CUX2: variants seen among roughly 807,000 people sequenced by gnomAD.
CUX2 encodes cut like homeobox 2.
CUX2 carries 40 observed loss-of-function variants against 144.8 expected under a neutral mutation model. That is an observed-to-expected ratio of 0.28 (90% CI 0.21 to 0.36). CUX2 has a LOEUF of 0.36. Among genes scored for constraint, CUX2 ranks in the 10% least tolerant of loss-of-function variants. CUX2 has a pLI of 1.00. For synonymous variants in CUX2, 827 were observed against 875.6 expected, an observed-to-expected ratio of 0.94 and a Z score of 0.98; for missense variants, 1,615 against 1,994.0, an observed-to-expected ratio of 0.81 and a Z score of 3.62.
intron 1 of CUX2, among the ~76,000 whole-genome samples, chr12:111,191,532 T>C (rs1263822729): frequency 6.6e-6 from 1 of 152,088 alleles, no homozygotes. Flanking sequence ...GGTTTCACCA[T>C]GTTGGCCAGG....
chr12:111,140,464 A>G (rs1566248784), intron 1 of CUX2, among the ~76,000 whole-genome samples: 1 of 152,200 alleles, frequency 6.6e-6, no homozygotes. Context: ...GAATATTAGT[A>G]CAGAAGATAA....
intron 9 of CUX2, among the ~76,000 whole-genome samples, chr12:111,299,512 T>C (rs1886179554): frequency 6.6e-6 from 1 of 152,076 alleles, no homozygotes; most frequent in South Asian, 2.1e-4. Flanking sequence ...CTGGAAGTGC[T>C]GAGACTCTAT....
rs541780499 is a variant in CUX2 at position 111,287,656 on chromosome 12, C to T, written c.302-3762C>T. 3.9e-5 allele frequency among the ~76,000 whole-genome samples: 6 copies of T among 152,336 alleles called. No individual in the cohort carries two copies. The highest frequency in any genetic ancestry group is 1.9e-4 in the East Asian group (1 of 5,180). ...GGAGACATAATGGCATACCCTGCTG[C>T]GCAGGCCCTGCCTAATGACGGGGCG... On this transcript the variant is annotated intron_variant, in intron 4 of 21. Transcript: ENST00000261726. This position sits in a 1 kb window ranked among gnomAD's most constrained non-coding sequence, Gnocchi z 4.2.
At chr12:111,326,473 T>C (rs1887825580) in intron 18 of CUX2, among the ~76,000 whole-genome samples, 1 of 151,554 alleles carries the variant, frequency 6.6e-6, no homozygotes, top group South Asian at 2.1e-4. Context: ...GGTTTTGTTT[T>C]ATAGTGTTGT....
chr12:111,284,030 A>G (rs1885255614), intron 4 of CUX2, among the ~76,000 whole-genome samples: 1 of 151,926 alleles, frequency 6.6e-6, no homozygotes. Context: ...TCAGACCAGC[A>G]CCCTGCCTCC....
At chr12:111,066,316 G>A (rs1001018584) in intron 1 of CUX2, among the ~76,000 whole-genome samples, 1 of 152,218 alleles carries the variant, frequency 6.6e-6, no homozygotes, top group Non-Finnish European at 1.5e-5. Context: ...GTGTTTTATA[G>A]TGGGAGCATT....
At chr12:111,256,376 GC>G (rs1883818280) in intron 3 of CUX2, among the ~76,000 whole-genome samples, 1 of 152,092 alleles carries the variant, frequency 6.6e-6, no homozygotes, top group African/African-American at 2.4e-5. Context: ...TCTCTGGGTT[GC>G]CTTTCCATTG....
chr12:111,068,773 C>T lies in CUX2; in HGVS notation c.63+34533C>T, dbSNP rs1210611772. On this transcript the variant is annotated intron_variant, in intron 1 of 21. Coordinates refer to ENST00000261726, the MANE Select transcript of CUX2 (RefSeq NM_015267.4). The surrounding 1 kb of genome is among the most constrained non-coding windows in gnomAD (Gnocchi z 4.9). ...CGGGGTGCCGGTAATGCCCCCATGG[C>T]CCTCCTGTTGGACAGGAGGGGAAAA... is the stretch of plus-strand genomic sequence containing the variant. Among the ~76,000 whole-genome samples the T allele has an allele frequency of 6.6e-6, 1 of 152,170 alleles. No individual in the cohort carries two copies. Among genetic ancestry groups the T allele is most frequent in the African/African-American group, 2.4e-5 (1 of 41,436 alleles).
At chr12:111,082,939 AGGAG>A (rs905675730) in intron 1 of CUX2, among the ~76,000 whole-genome samples, 25 of 152,138 alleles carry the variant, frequency 1.6e-4, no homozygotes, top group African/African-American at 6.0e-4. Context: ...GAGCAGGAGG[AGGAG>A]GTGTTCTGAG....
chr12:111,044,050 G>C (rs1483709561), intron 1 of CUX2, among the ~76,000 whole-genome samples: 1 of 152,198 alleles, frequency 6.6e-6, no homozygotes, highest in Non-Finnish European at 1.5e-5. Context: ...TGGTAGTCTA[G>C]GAGCTTCCGT....
rs1375747967 is a variant in CUX2, at chr12:111,307,294, C to T, written c.1109+37C>T. 6.3e-7 allele frequency: 1 copy of T among 1,597,434 alleles called. No individual in the cohort carries two copies. The highest frequency in any genetic ancestry group is 1.7e-5 in the Admixed American group (1 of 59,770). ...GGTGGGGCTCCACAGACCCTCAGTG[C>T]TCTTCCCTGGCCAGGAGCTCTTGGC... is the stretch of plus-strand genomic sequence containing the variant. On this transcript the variant is annotated intron_variant, in intron 12 of 21. Transcript: ENST00000261726. The surrounding 1 kb of genome is among the most constrained non-coding windows in gnomAD (Gnocchi z 4.1).
At chr12:111,282,704 G>C (rs1434033561) in intron 4 of CUX2, among the ~76,000 whole-genome samples, 1 of 151,884 alleles carries the variant, frequency 6.6e-6, no homozygotes, top group Non-Finnish European at 1.5e-5. Flanking sequence ...CGGTGGGGTA[G>C]GCTGGAAGTC....
intron 1 of CUX2, among the ~76,000 whole-genome samples, chr12:111,167,913 C>T (rs1015509777): frequency 4.6e-5 from 7 of 152,078 alleles, no homozygotes; most frequent in Admixed American, 1.3e-4. Context: ...AGGCTGGTCT[C>T]GAACTCCTGA....
intron 1 of CUX2, among the ~76,000 whole-genome samples, chr12:111,177,188 TCCGTGCCTACTTGGGAGCAGGGC>T (rs1261267811): frequency 1.3e-5 from 2 of 152,140 alleles, no homozygotes; most frequent in Non-Finnish European, 2.9e-5. Flanking sequence ...CAAAATGTTT[TCCGTGCCTACTTGGGAGCAGGGC>T]CCGCGTTTAC....
intron 1 of CUX2, among the ~76,000 whole-genome samples, chr12:111,128,791 G>A (rs534739128): frequency 7.9e-5 from 12 of 152,288 alleles, no homozygotes; most frequent in African/African-American, 2.9e-4. Flanking sequence ...GGGGCCTGTC[G>A]AAGACTCCAG....
intron 3 of CUX2, among the ~76,000 whole-genome samples, chr12:111,248,630 G>A (rs1883401293): frequency 6.6e-6 from 1 of 152,132 alleles, no homozygotes; most frequent in South Asian, 2.1e-4. Flanking sequence ...GGTGAAGCCA[G>A]GATAAAGGGG....
chr12:111,163,885 G>A (rs933398487), intron 1 of CUX2, among the ~76,000 whole-genome samples: 4 of 152,120 alleles, frequency 2.6e-5, no homozygotes, highest in Admixed American at 1.3e-4. Flanking sequence ...ATAGAACCAT[G>A]CCCCACACCT....
At chr12:111,053,887 G>A (rs1870395830) in intron 1 of CUX2, among the ~76,000 whole-genome samples, 1 of 152,234 alleles carries the variant, frequency 6.6e-6, no homozygotes, top group African/African-American at 2.4e-5. Flanking sequence ...GGGCGCAGTG[G>A]CTCACGCCTG....
Position 111,348,464 on chromosome 12 carries a change from T to C in CUX2, c.*139T>C. The C allele has an allele frequency of 2.4e-6, 2 of 839,390 alleles. No individual in the cohort carries two copies. Among genetic ancestry groups the C allele is most frequent in the Non-Finnish European group, 3.6e-6 (2 of 550,948 alleles). 52.0% of individuals were successfully genotyped at this position (839,390 alleles called of 1,614,324 possible). A position where few individuals can be genotyped will look rare whatever the true frequency, so the allele number is the denominator to read the frequency against. On this transcript the variant is annotated 3_prime_UTR_variant, in exon 22 of 22. Coordinates refer to ENST00000261726, the MANE Select transcript of CUX2 (RefSeq NM_015267.4). ...AGCAATGTTATGCCGTTTACGTTTT[T>C]TGTTGTAATCCTAGTTCTATGAAGC...
Sources: gnomAD v4.1 joint callset for allele counts (sites outside exome capture counted in the v4.1 genomes callset) on GRCh38, gnomAD v4.1.1 for gene constraint, Gnocchi (gnomAD v3.1) non-coding constraint, MANE v1.5 for transcripts, NCBI Gene and HGNC (gene_info 2026-07-23, HGNC 2026-07-21) for gene names.